SUPT16H: variants seen among roughly 807,000 people sequenced by gnomAD.
SUPT16H encodes SPT16 homolog, facilitates chromatin remodeling subunit.
A neutral mutation model predicts 136.2 loss-of-function variants in SUPT16H; 24 were observed. That is an observed-to-expected ratio of 0.18 (90% CI 0.13 to 0.25). SUPT16H has a LOEUF of 0.25. SUPT16H is among the 10% of genes least tolerant of loss of function. SUPT16H has a pLI of 1.00. For missense variants in SUPT16H, 623 were observed against 1,270.2 expected, an observed-to-expected ratio of 0.49 and a Z score of 7.74; for synonymous variants, 415 against 428.2, an observed-to-expected ratio of 0.97 and a Z score of 0.38.
chr14:21,369,708 G>A, intron 5 of SUPT16H, 42 bp downstream of exon 5: 1 of 1,609,268 alleles, frequency 6.2e-7, no homozygotes, highest in South Asian at 1.1e-5. Context: ...ACTTATTACT[G>A]CTTCATTAAA....
At position 21,362,940 on chromosome 14, in the gene SUPT16H, T is replaced by C; in HGVS notation, c.1519A>G (p.Lys507Glu). The change falls in exon 14 of 26, where the codon AAG becomes GAG. Residue 507 changes from lysine (K) to glutamate (E), a missense_variant. Coordinates refer to ENST00000216297, the MANE Select transcript of SUPT16H (RefSeq NM_007192.4). ...KGEQQIQKAR[K>E]SNVSYKNPSL... ...GGGTTTTTATAGGACACATTAGACT[T>C]GCGAGCTCTGGAGTGGGATAAAAAA... 6.2e-7 allele frequency: 1 copy of C among 1,613,382 alleles called. No homozygotes were observed. The highest frequency in any genetic ancestry group is 1.1e-5 in the South Asian group (1 of 90,898).
intron 3 of SUPT16H, among the ~76,000 whole-genome samples, chr14:21,371,310 G>A (rs371282125): frequency 6.6e-6 from 1 of 152,042 alleles, no homozygotes; most frequent in South Asian, 2.1e-4. Flanking sequence ...TTTAAGAGAA[G>A]GGGTCTCACG....
At chr14:21,382,153 T>A (rs781405959) in intron 1 of SUPT16H, among the ~76,000 whole-genome samples, 2 of 152,166 alleles carry the variant, frequency 1.3e-5, no homozygotes, top group Non-Finnish European at 2.9e-5. Context: ...CTGGACACAT[T>A]AACACAAAAG....
At chr14:21,376,219 C>T (rs1886898144) in intron 1 of SUPT16H, among the ~76,000 whole-genome samples, 1 of 152,162 alleles carries the variant, frequency 6.6e-6, no homozygotes, top group South Asian at 2.1e-4. Flanking sequence ...TTCCACTCTT[C>T]TATATGCCTA....
chr14:21,383,597 A>G, intron 1 of SUPT16H: 1 of 701,242 alleles, frequency 1.4e-6, no homozygotes, highest in Non-Finnish European at 2.6e-6. Context: ...GGGCGGGAAG[A>G]GACTGCGAGA....
intron 22 of SUPT16H, among the ~76,000 whole-genome samples, chr14:21,355,232 C>T (rs568250384): frequency 2.0e-5 from 3 of 152,174 alleles, no homozygotes; most frequent in Middle Eastern, 3.4e-3. Flanking sequence ...CGGTGGCTCA[C>T]GCCTGTAATC....
intron 10 of SUPT16H, among the ~76,000 whole-genome samples, chr14:21,363,835 C>T (rs1329507593): frequency 6.6e-6 from 1 of 152,116 alleles, no homozygotes; most frequent in Non-Finnish European, 1.5e-5. Context: ...CGCACCACCA[C>T]ACCTGGCTAA....
intron 22 of SUPT16H, among the ~76,000 whole-genome samples, chr14:21,356,061 T>A (rs991250744): frequency 2.0e-5 from 3 of 152,204 alleles, no homozygotes; most frequent in Admixed American, 2.0e-4. Flanking sequence ...TAGCCTGCTA[T>A]GCAGGGAGGG....
Position 21,370,582 on chromosome 14 carries a change from G to A in SUPT16H, c.331-94C>T, listed in dbSNP as rs952441212. 1.6e-5 allele frequency: 22 copies of A among 1,376,848 alleles called. No homozygotes were observed. In the East Asian group the frequency reaches 1.6e-4, roughly 10 times the overall value. The allele number at this position is 1,376,848 out of a possible 1,614,324, so 85.3% of individuals were successfully genotyped here. ...CAGGTAGAATAATATTCTAAACTACGGAAAAAATTAATTCTCCTCCCATCC... is the reference window on the plus strand; with the variant it reads ...CAGGTAGAATAATATTCTAAACTACAGAAAAAATTAATTCTCCTCCCATCC... On this transcript the variant is annotated intron_variant, in intron 3 of 25. Transcript: ENST00000216297.
rs1274332025 is a variant in SUPT16H, at chr14:21,363,320, A to G, written c.1308T>C (p.Asp436=). 3.7e-6 allele frequency: 6 copies of G among 1,607,800 alleles called. No individual in the cohort carries two copies. The African/African-American group carries it at 8.1e-5, about 22-fold the overall frequency. The change falls in exon 12 of 26, where the codon GAT becomes GAC. Residue 436 remains aspartate, a synonymous_variant. Coordinates refer to ENST00000216297, the MANE Select transcript of SUPT16H (RefSeq NM_007192.4). Reference sequence around the variant, plus strand: ...CTTTCTCCTCCTCCTCTTCTTCCTCATCTTCATTCTATGGAAAAAGTCATA... The same window carrying G: ...CTTTCTCCTCCTCCTCTTCTTCCTCGTCTTCATTCTATGGAAAAAGTCATA... ...KNVGIFLKNE[D]EEEEEEEKDE...
chr14:21,381,055 C>A (rs1366547099), intron 1 of SUPT16H, among the ~76,000 whole-genome samples: 2 of 151,898 alleles, frequency 1.3e-5, no homozygotes, highest in Non-Finnish European at 2.9e-5. Context: ...CTCTTAGCAG[C>A]TCTCACTTAA....
intron 18 of SUPT16H, 74 bp from the exon 19 acceptor site, chr14:21,359,683 A>C: frequency 6.4e-7 from 1 of 1,556,334 alleles, no homozygotes; most frequent in Non-Finnish European, 8.7e-7. Context: ...GCAGTGATCC[A>C]AACTTGGGCC....
intron 1 of SUPT16H, among the ~76,000 whole-genome samples, chr14:21,377,052 G>C (rs975650055): frequency 1.5e-5 from 2 of 134,520 alleles, no homozygotes; most frequent in Middle Eastern, 4.3e-3. Context: ...GGGCGACAGT[G>C]AGACTGTCTC....
intron 25 of SUPT16H, among the ~76,000 whole-genome samples, chr14:21,353,226 C>G (rs896684150): frequency 1.3e-5 from 2 of 152,190 alleles, no homozygotes; most frequent in Non-Finnish European, 2.9e-5. Flanking sequence ...ATGTGGCTAT[C>G]ATGGCTATAG....
chr14:21,354,136 A>T (rs1886379694), intron 23 of SUPT16H, among the ~76,000 whole-genome samples: 2 of 152,346 alleles, frequency 1.3e-5, no homozygotes, highest in Admixed American at 6.5e-5. Context: ...ATCATTTTTT[A>T]AAAAATAATT....
At chr14:21,355,513 TAAAAAAAAAAAAAA>T (rs59639210) in intron 22 of SUPT16H, among the ~76,000 whole-genome samples, 1 of 113,590 alleles carries the variant, frequency 8.8e-6, no homozygotes, top group East Asian at 2.5e-4. Flanking sequence ...ATAATAATAA[TAAAAAAAAAAAAAA>T]AAAAAAAAAG....
chr14:21,365,997 G>A (rs1447945436), intron 8 of SUPT16H, among the ~76,000 whole-genome samples: 5 of 152,152 alleles, frequency 3.3e-5, no homozygotes, highest in Non-Finnish European at 7.4e-5. Context: ...AGTTATTGGG[G>A]GAGCTGAGAT....
chr14:21,360,314 C>A, intron 18 of SUPT16H, 101 bp downstream of exon 18: 1 of 928,286 alleles, frequency 1.1e-6, no homozygotes, highest in Non-Finnish European at 1.6e-6. Flanking sequence ...GGGCATGAGC[C>A]ACCGCGCCCA....
chr14:21,352,576 C>G lies in SUPT16H; in HGVS notation c.*97G>C. 1.3e-6 allele frequency: 2 copies of G among 1,580,144 alleles called. No individual in the cohort carries two copies. Among genetic ancestry groups the G allele is most frequent in the South Asian group, 2.3e-5 (2 of 88,388 alleles). On this transcript the variant is annotated 3_prime_UTR_variant, in exon 26 of 26. Transcript: ENST00000216297. ...CCCATAAACACAAATGGCAAAACTT[C>G]AAATGAAAACGAAAGGAAAAATACA...
Sources: allele counts gnomAD v4.1 joint callset (sites outside exome capture counted in the v4.1 genomes callset), GRCh38; gene constraint gnomAD v4.1.1; transcripts MANE v1.5; gene names NCBI Gene and HGNC (gene_info 2026-07-23, HGNC 2026-07-21).